The following RIN2 variants were observed in gnomAD, a reference collection of about 807,000 sequenced individuals.
RIN2 encodes RAB5 interacting protein 2.
A neutral mutation model predicts 78.0 loss-of-function variants in RIN2; 36 were observed. The ratio of observed to expected loss-of-function variants is 0.46; its 90% confidence interval spans 0.35 to 0.61. RIN2 has a LOEUF of 0.61. Ranked by LOEUF, RIN2 falls within the 20% of genes least tolerant of loss-of-function variation. The probability of loss-of-function intolerance (pLI) is 0.00; values close to 1 mark genes in which losing one functional copy is unlikely to be tolerated. For synonymous variants in RIN2, 466 were observed against 466.8 expected (o/e 1.00, Z 0.02); for missense variants, 1,087 against 1,159.7 (o/e 0.94, Z 0.91).
intron 2 of RIN2, among the ~76,000 whole-genome samples, chr20:19,822,744 TTATG>T (rs1249797431): frequency 6.6e-6 from 1 of 152,210 alleles, no homozygotes; most frequent in Non-Finnish European, 1.5e-5. Flanking sequence ...TTTTAATTAT[TTATG>T]GTCACTTTTT....
At position 19,885,752 on chromosome 20, in the gene RIN2, C is replaced by T. The variant is rs183059700; in HGVS notation, c.-36-3814C>T. Among the ~76,000 whole-genome samples, 7 of 151,532 alleles carry T rather than the reference C, an allele frequency of 4.6e-5. 1 individual carries two copies. In the East Asian group the frequency reaches 1.4e-3, roughly 29 times the overall value. Reference sequence around the variant, plus strand: ...ACAGGAGATTGTAAGTGCACAAGTGCACTCAGAACAAAAAAAAGCATATGA... The same window carrying T: ...ACAGGAGATTGTAAGTGCACAAGTGTACTCAGAACAAAAAAAAGCATATGA... On this transcript the variant is annotated intron_variant, in intron 2 of 12. Transcript: ENST00000255006.
chr20:19,992,320 T>A (rs376201631), intron 11 of RIN2, 21 bp downstream of exon 11: 44 of 1,541,234 alleles, frequency 2.9e-5, no homozygotes, highest in East Asian at 1.9e-4. Flanking sequence ...TTGAGAAAAG[T>A]TGAAGGAACT....
intron 2 of RIN2, among the ~76,000 whole-genome samples, chr20:19,875,251 C>T (rs911056264): frequency 3.9e-5 from 6 of 152,004 alleles, no homozygotes; most frequent in African/African-American, 9.7e-5. Context: ...CTCCACCTCC[C>T]GGGTTGAAGC....
intron 2 of RIN2, among the ~76,000 whole-genome samples, chr20:19,844,669 C>CCTCTTCTTCTTCTTCTT: frequency 1.3e-5 from 1 of 76,166 alleles, no homozygotes; most frequent in African/African-American, 6.2e-5. Context: ...TCTTCTTCTT[C>CCTCTTCTTCTTCTTCTT]CTTCTTCTTC....
intron 6 of RIN2, among the ~76,000 whole-genome samples, chr20:19,963,917 G>A (rs1206072094): frequency 7.2e-6 from 1 of 138,974 alleles, no homozygotes. Flanking sequence ...AGGCTAGAGT[G>A]CAGTGGCTCT....
intron 10 of RIN2, 99 bp from the exon 11 acceptor site, chr20:19,992,069 C>G (rs1402629002): frequency 7.8e-6 from 11 of 1,402,516 alleles, no homozygotes; most frequent in African/African-American, 2.8e-5. Flanking sequence ...ACAGTTCCCC[C>G]CAGAGTGACT....
At chr20:19,764,920 T>TTTTTTTTTTTTTC (rs2033812160) in intron 1 of RIN2, among the ~76,000 whole-genome samples, 1 of 78,750 alleles carries the variant, frequency 1.3e-5, no homozygotes. Flanking sequence ...CTTTCTGCGT[T>TTTTTTTTTTTTTC]TTTTTTTTTT....
intron 3 of RIN2, among the ~76,000 whole-genome samples, 160 bp from the exon 4 acceptor site, chr20:19,934,939 G>A (rs2040575185): frequency 1.3e-5 from 2 of 149,302 alleles, no homozygotes; most frequent in South Asian, 2.1e-4. Context: ...TTTTTCCTCT[G>A]GCTAGAGGAA....
intron 1 of RIN2, among the ~76,000 whole-genome samples, chr20:19,761,025 CAA>C (rs1305239705): frequency 6.6e-6 from 1 of 152,164 alleles, no homozygotes; most frequent in Non-Finnish European, 1.5e-5. Context: ...AATGAATGAA[CAA>C]AAGTGTCCCT....
At chr20:19,997,288 G>A (rs934099377) in intron 12 of RIN2, among the ~76,000 whole-genome samples, 1 of 152,202 alleles carries the variant, frequency 6.6e-6, no homozygotes, top group Non-Finnish European at 1.5e-5. Context: ...AATCTCAGCA[G>A]CAGCAGCAAC....
At chr20:19,881,109 C>T (rs1246191875) in intron 2 of RIN2, among the ~76,000 whole-genome samples, 1 of 152,132 alleles carries the variant, frequency 6.6e-6, no homozygotes, top group Non-Finnish European at 1.5e-5. Flanking sequence ...AAATAAAAGC[C>T]ACCTCTTCAG....
At chr20:19,911,816 C>T (rs934952066) in intron 3 of RIN2, among the ~76,000 whole-genome samples, 2 of 152,194 alleles carry the variant, frequency 1.3e-5, no homozygotes, top group Non-Finnish European at 2.9e-5. Flanking sequence ...TCCACAAAGT[C>T]AACATACCTG....
chr20:19,874,981 C>T lies in RIN2; in HGVS notation c.-36-14585C>T, dbSNP rs990790395. 2.0e-5 allele frequency among the ~76,000 whole-genome samples: 3 copies of T among 151,964 alleles called. No homozygotes were observed. The South Asian group carries it at 6.2e-4, about 32-fold the overall frequency. ...GTTCAAGCGATTCTCATGCCTCAGC[C>T]TCCTGAGGAGCTAGGATTACAGGTG... On this transcript the variant is annotated intron_variant, in intron 2 of 12. Transcript: ENST00000255006.
intron 4 of RIN2, among the ~76,000 whole-genome samples, chr20:19,940,795 G>C (rs773578024): frequency 1.3e-5 from 2 of 152,228 alleles, no homozygotes; most frequent in Non-Finnish European, 2.9e-5. Flanking sequence ...GCCTGAGGTA[G>C]GTTCCACCCT....
intron 3 of RIN2, among the ~76,000 whole-genome samples, chr20:19,903,535 G>C (rs371784943): frequency 6.6e-6 from 1 of 152,124 alleles, no homozygotes; most frequent in Admixed American, 6.5e-5. Context: ...GTTCTGTTCC[G>C]GGACAGCTGG....
intron 9 of RIN2, 79 bp from the exon 10 acceptor site, chr20:19,989,927 A>T: frequency 7.3e-7 from 1 of 1,374,156 alleles, no homozygotes; most frequent in Non-Finnish European, 9.7e-7. Flanking sequence ...AGAGTTGCAG[A>T]TGTCCATTGT....
chr20:19,786,672 T>C (rs999003185), intron 1 of RIN2, among the ~76,000 whole-genome samples: 2 of 152,182 alleles, frequency 1.3e-5, no homozygotes, highest in Non-Finnish European at 2.9e-5. Flanking sequence ...CAATAGATAA[T>C]GAGGATGCAT....
At chr20:19,847,256 A>G (rs1431390440) in intron 2 of RIN2, among the ~76,000 whole-genome samples, 1 of 152,104 alleles carries the variant, frequency 6.6e-6, no homozygotes, top group African/African-American at 2.4e-5. Context: ...TTTTTCCCTT[A>G]GTGAAAGTCC....
intron 4 of RIN2, among the ~76,000 whole-genome samples, chr20:19,940,064 C>T (rs1054196457): frequency 1.3e-5 from 2 of 152,124 alleles, no homozygotes; most frequent in African/African-American, 4.8e-5. Flanking sequence ...GTTGCCCAGG[C>T]TGGTCTTTAA....
Sources: gnomAD v4.1 joint callset for allele counts (sites outside exome capture counted in the v4.1 genomes callset) on GRCh38, gnomAD v4.1.1 for gene constraint, MANE v1.5 for transcripts, NCBI Gene and HGNC (gene_info 2026-07-23, HGNC 2026-07-21) for gene names.